RGS6: variants seen among roughly 807,000 people sequenced by gnomAD.
The protein encoded by RGS6 is regulator of G protein signaling 6.
RGS6 carries 30 observed loss-of-function variants against 78.5 expected under a neutral mutation model. That is an observed-to-expected ratio of 0.38 (90% CI 0.29 to 0.52). The LOEUF is 0.52. Among genes scored for constraint, RGS6 ranks in the 20% least tolerant of loss-of-function variants. The pLI is 0.85. For synonymous variants in RGS6, 206 were observed against 206.0 expected, an observed-to-expected ratio of 1.00 and a Z score of 0.00; for missense variants, 495 against 609.7, an observed-to-expected ratio of 0.81 and a Z score of 1.98.
intron 2 of RGS6, among the ~76,000 whole-genome samples, chr14:72,170,964 C>T (rs1176219030): frequency 6.6e-6 from 1 of 152,144 alleles, no homozygotes; most frequent in African/African-American, 2.4e-5. Context: ...TGGGCAGAGC[C>T]AGTATCTTAA....
chr14:71,908,902 T>G, the RGS6 span, among the ~76,000 whole-genome samples: 1 of 152,174 alleles, frequency 6.6e-6, no homozygotes, highest in African/African-American at 2.4e-5. Flanking sequence ...AATAACCACA[T>G]TCTAAGCTGA....
At chr14:72,421,330 G>A (rs2094168269) in intron 3 of RGS6, 2 of 152,224 alleles carry the variant, frequency 1.3e-5, no homozygotes, top group South Asian at 2.1e-4. Context: ...ATAGAGTGAG[G>A]GTGGGGTAGG....
chr14:72,405,548 A>G (rs574841429), intron 3 of RGS6, among the ~76,000 whole-genome samples: 4 of 152,210 alleles, frequency 2.6e-5, no homozygotes, highest in African/African-American at 4.8e-5. Context: ...TTCTAAAGCA[A>G]TTCCATCTTC....
At chr14:72,621,399 T>C in the RGS6 span, among the ~76,000 whole-genome samples, 8 of 152,296 alleles carry the variant, frequency 5.3e-5, no homozygotes, top group South Asian at 1.7e-3. Flanking sequence ...GGATGGCTTA[T>C]GAGCCTTTTT....
At chr14:72,277,702 C>T (rs2060916651) in intron 2 of RGS6, among the ~76,000 whole-genome samples, 2 of 152,070 alleles carry the variant, frequency 1.3e-5, no homozygotes, top group Non-Finnish European at 2.9e-5. Context: ...CCGAGGCAGT[C>T]AGATTGCTTG....
the RGS6 span, among the ~76,000 whole-genome samples, chr14:71,923,372 G>A: frequency 1.3e-5 from 2 of 151,954 alleles, no homozygotes; most frequent in Admixed American, 6.6e-5. Context: ...GCCTTCTAGG[G>A]GTAGGGCATG....
intron 2 of RGS6, among the ~76,000 whole-genome samples, chr14:72,234,474 T>C (rs1050020426): frequency 3.9e-5 from 6 of 152,130 alleles, no homozygotes; most frequent in Admixed American, 1.3e-4. Context: ...GTGCATTCAA[T>C]ATGAAGGCAA....
chr14:72,131,668 G>A (rs770246961), intron 2 of RGS6, among the ~76,000 whole-genome samples: 5 of 152,264 alleles, frequency 3.3e-5, no homozygotes, highest in South Asian at 2.1e-4. Context: ...TAACTCTCTG[G>A]GGAGTTAATT....
intron 3 of RGS6, among the ~76,000 whole-genome samples, chr14:72,373,291 GA>G (rs2083895828): frequency 1.3e-5 from 2 of 152,164 alleles, no homozygotes; most frequent in African/African-American, 4.8e-5. Flanking sequence ...TATTGTTCAA[GA>G]AACTGGATAT....
chr14:72,129,115 T>A (rs1196027661), intron 2 of RGS6, among the ~76,000 whole-genome samples: 4 of 152,180 alleles, frequency 2.6e-5, no homozygotes, highest in African/African-American at 9.7e-5. Flanking sequence ...AATTAAAATT[T>A]AGAGACCAGG....
At chr14:72,005,474 C>T (rs376026985) in intron 2 of RGS6, among the ~76,000 whole-genome samples, 3 of 29,162 alleles carry the variant, frequency 1.0e-4, no homozygotes, top group South Asian at 1.1e-3. Flanking sequence ...TCTATATCTC[C>T]CTATTCATTC....
chr14:72,376,817 A>T (rs1270186460), intron 3 of RGS6, among the ~76,000 whole-genome samples: 1 of 152,242 alleles, frequency 6.6e-6, no homozygotes, highest in Non-Finnish European at 1.5e-5. Context: ...GACCAACCTT[A>T]CAAGAAACGC....
chr14:72,495,016 C>A, intron 12 of RGS6, 136 bp from the exon 13 acceptor site: 1 of 614,560 alleles, frequency 1.6e-6, no homozygotes, highest in South Asian at 2.0e-5. Flanking sequence ...TTTGATGTGT[C>A]AGAAGTGGGA....
chr14:72,053,790 C>T (rs1294678924), intron 2 of RGS6, among the ~76,000 whole-genome samples: 1 of 152,186 alleles, frequency 6.6e-6, no homozygotes, highest in African/African-American at 2.4e-5. Context: ...CGAAATTGAT[C>T]TCAAAAAGAC....
At chr14:72,370,695 C>T (rs1361248908) in intron 3 of RGS6, among the ~76,000 whole-genome samples, 3 of 152,004 alleles carry the variant, frequency 2.0e-5, no homozygotes, top group Non-Finnish European at 4.4e-5. Context: ...ACAGTACCTG[C>T]AAGAGACTAC....
chr14:72,057,851 C>G (rs768466686), intron 2 of RGS6, among the ~76,000 whole-genome samples: 1 of 152,168 alleles, frequency 6.6e-6, no homozygotes, highest in Non-Finnish European at 1.5e-5. Context: ...TTCACTCTGT[C>G]GAGTTTCCAT....
intron 2 of RGS6, among the ~76,000 whole-genome samples, chr14:72,299,907 T>C (rs895359826): frequency 1.3e-5 from 2 of 152,194 alleles, no homozygotes; most frequent in Non-Finnish European, 2.9e-5. Context: ...TGAGTCTAAA[T>C]AGGAGTTTAT....
At chr14:72,571,052 G>A (rs1331159305), downstream of RGS6, among the ~76,000 whole-genome samples, 1 of 152,142 alleles carries the variant, frequency 6.6e-6, no homozygotes, top group Non-Finnish European at 1.5e-5. Flanking sequence ...GAAAGTCTAT[G>A]AATGCTTAGC....
chr14:72,399,913 T>C (rs2152992858), intron 3 of RGS6, among the ~76,000 whole-genome samples: 2 of 152,236 alleles, frequency 1.3e-5, no homozygotes, highest in Middle Eastern at 6.8e-3. Flanking sequence ...TACATCTAAT[T>C]GATGTACCTG....
Sources: gnomAD v4.1 joint callset for allele counts (sites outside exome capture counted in the v4.1 genomes callset) on GRCh38, gnomAD v4.1.1 for gene constraint, MANE v1.5 for transcripts, NCBI Gene and HGNC (gene_info 2026-07-23, HGNC 2026-07-21) for gene names.